MAN2A1: variants seen among roughly 807,000 people sequenced by gnomAD.
MAN2A1 encodes the protein alpha-mannosidase 2.
In MAN2A1, 76 loss-of-function variants were observed where a neutral mutation model predicts 142.6. That is an observed-to-expected ratio of 0.53 (90% CI 0.44 to 0.65). The LOEUF is 0.65. Ranked by LOEUF, MAN2A1 falls within the 30% of genes least tolerant of loss-of-function variation. The pLI, the probability that MAN2A1 is intolerant of heterozygous loss-of-function variation, is 0.00. For missense variants in MAN2A1, 1,311 were observed against 1,365.1 expected, an observed-to-expected ratio of 0.96 and a Z score of 0.62; for synonymous variants, 559 against 473.2, an observed-to-expected ratio of 1.18 and a Z score of -2.35.
At chr5:109,826,168 A>G (rs1754755214) in intron 16 of MAN2A1, among the ~76,000 whole-genome samples, 2 of 151,198 alleles carry the variant, frequency 1.3e-5, no homozygotes, top group Non-Finnish European at 2.9e-5. Context: ...GTCTTCCCAA[A>G]GTGCTGGTAT....
intron 4 of MAN2A1, among the ~76,000 whole-genome samples, chr5:109,753,518 G>A (rs541207745): frequency 6.6e-6 from 1 of 152,272 alleles, no homozygotes; most frequent in South Asian, 2.1e-4. Context: ...AATTATATTA[G>A]TTGGTGATCC....
intron 19 of MAN2A1, among the ~76,000 whole-genome samples, chr5:109,850,013 A>G (rs765258313): frequency 6.6e-6 from 1 of 152,088 alleles, no homozygotes; most frequent in African/African-American, 2.4e-5. Flanking sequence ...GTTAGTGCTT[A>G]CTTCATCAGC....
At chr5:109,701,622 A>G (rs1228192800) in intron 1 of MAN2A1, among the ~76,000 whole-genome samples, 1 of 152,216 alleles carries the variant, frequency 6.6e-6, no homozygotes. Context: ...GTGTAGGAAG[A>G]TTCAAGTAGG....
Position 109,759,725 on chromosome 5 carries a change from T to C in MAN2A1, c.835+4269T>C, listed in dbSNP as rs541674530. The stretch of plus-strand genomic sequence containing the variant: ...TATTTTATATTCCACCAACAACGAA[T>C]TAGAGTTCTGATTGTTCCACATTTT... On this transcript the variant is annotated intron_variant, in intron 5 of 21. Coordinates refer to ENST00000261483, the MANE Select transcript of MAN2A1 (RefSeq NM_002372.4). Among the ~76,000 whole-genome samples, 8 of 152,278 alleles carry C rather than the reference T, an allele frequency of 5.3e-5. No homozygotes were observed. In the South Asian group the frequency reaches 1.7e-3, roughly 32 times the overall value.
At chr5:109,698,808 G>A (rs1561465526) in intron 1 of MAN2A1, among the ~76,000 whole-genome samples, 1 of 152,024 alleles carries the variant, frequency 6.6e-6, no homozygotes, top group East Asian at 1.9e-4. Context: ...AATGCACATA[G>A]AAATAATTCA....
At chr5:109,753,806 G>A (rs951742955) in intron 4 of MAN2A1, among the ~76,000 whole-genome samples, 1 of 152,064 alleles carries the variant, frequency 6.6e-6, no homozygotes, top group African/African-American at 2.4e-5. Context: ...AAGCTGCTTT[G>A]CTTCTTTCTG....
intron 10 of MAN2A1, among the ~76,000 whole-genome samples, chr5:109,788,365 A>G (rs1753648156): frequency 6.6e-6 from 1 of 151,836 alleles, no homozygotes; most frequent in South Asian, 2.1e-4. Flanking sequence ...TAGTAATTTC[A>G]GTGACCAAAA....
In MAN2A1 at chr5:109,756,630, G is replaced by A. The variant is rs550988942; in HGVS notation, c.835+1174G>A. ...CATTTACTTAATTTTTTCTGTTTCC[G>A]TGTTGTTGTAGTGGTGCTGGTATTT... On this transcript the variant is annotated intron_variant, in intron 5 of 21. Transcript: ENST00000261483. Among the ~76,000 whole-genome samples, 43 of 152,144 alleles carry A rather than the reference G, an allele frequency of 2.8e-4. 1 individual carries two copies. The South Asian group carries it at 7.3e-3, about 26-fold the overall frequency.
At chr5:109,831,984 A>C (rs1426109405) in intron 16 of MAN2A1, among the ~76,000 whole-genome samples, 1 of 151,636 alleles carries the variant, frequency 6.6e-6, no homozygotes. Context: ...ATTTTAATGA[A>C]AACATTTTTC....
chr5:109,858,735 G>A (rs140521514), intron 20 of MAN2A1, among the ~76,000 whole-genome samples: 36 of 152,354 alleles, frequency 2.4e-4, no homozygotes, highest in Admixed American at 1.8e-3. Flanking sequence ...ATGTCTTCCT[G>A]CCTGACCAAC....
chr5:109,775,739 C>T (rs1239205056), intron 8 of MAN2A1, among the ~76,000 whole-genome samples: 1 of 151,998 alleles, frequency 6.6e-6, no homozygotes, highest in Non-Finnish European at 1.5e-5. Flanking sequence ...AAAAATATAA[C>T]GATAATACCA....
At chr5:109,763,558 G>T (rs774085022) in intron 5 of MAN2A1, among the ~76,000 whole-genome samples, 1 of 151,142 alleles carries the variant, frequency 6.6e-6, no homozygotes, top group Admixed American at 6.6e-5. Context: ...TAGGGTACAT[G>T]TGCACAATGT....
intron 4 of MAN2A1, among the ~76,000 whole-genome samples, chr5:109,732,047 T>C (rs563714282): frequency 9.5e-4 from 144 of 152,082 alleles, no homozygotes; most frequent in Admixed American, 2.2e-3. Context: ...TTTTAATGAT[T>C]GCCATTCTAA....
chr5:109,717,993 T>C (rs940631998), intron 3 of MAN2A1, among the ~76,000 whole-genome samples: 1 of 152,244 alleles, frequency 6.6e-6, no homozygotes, highest in African/African-American at 2.4e-5. Flanking sequence ...ATGTAGGATC[T>C]AGATGGCTTA....
At chr5:109,763,989 C>T (rs1252909252) in intron 5 of MAN2A1, among the ~76,000 whole-genome samples, 2 of 151,852 alleles carry the variant, frequency 1.3e-5, no homozygotes, top group Non-Finnish European at 2.9e-5. Flanking sequence ...TTAATAGAGA[C>T]AGGGTTTTAC....
chr5:109,705,568 A>G (rs1561469206), intron 1 of MAN2A1, among the ~76,000 whole-genome samples: 1 of 152,214 alleles, frequency 6.6e-6, no homozygotes, highest in Non-Finnish European at 1.5e-5. Context: ...AGGACTAAGC[A>G]TAAGAATATA....
intron 12 of MAN2A1, among the ~76,000 whole-genome samples, chr5:109,803,361 A>T (rs1259297504): frequency 6.6e-6 from 1 of 152,038 alleles, no homozygotes; most frequent in East Asian, 1.9e-4. Flanking sequence ...TTTAAGTCAA[A>T]CTTTCTTAAT....
intron 2 of MAN2A1, among the ~76,000 whole-genome samples, chr5:109,715,872 A>G (rs913712490): frequency 1.3e-5 from 2 of 152,022 alleles, no homozygotes; most frequent in Non-Finnish European, 2.9e-5. Flanking sequence ...AATAGAATGA[A>G]CTTTTTTTTT....
In MAN2A1 at chr5:109,691,643, A is replaced by G. The variant is rs1402705351; in HGVS notation, c.135+1091A>G. Among the ~76,000 whole-genome samples the G allele has an allele frequency of 7.2e-5, 11 of 152,214 alleles. 1 individual carries two copies. The highest frequency in any genetic ancestry group is 1.3e-4 in the Admixed American group (2 of 15,280). On this transcript the variant is annotated intron_variant, in intron 1 of 21. Transcript: ENST00000261483. ...GAATTTAATTGAGATTAAAGTAAAAACTTTACTGGAATTATTGTGAAAGTG... is the reference window on the plus strand; with the variant it reads ...GAATTTAATTGAGATTAAAGTAAAAGCTTTACTGGAATTATTGTGAAAGTG...
Sources: gnomAD v4.1 joint callset for allele counts (sites outside exome capture counted in the v4.1 genomes callset) on GRCh38, gnomAD v4.1.1 for gene constraint, MANE v1.5 for transcripts, NCBI Gene and HGNC (gene_info 2026-07-23, HGNC 2026-07-21) for gene names.